SYT1: variants seen among roughly 807,000 people sequenced by gnomAD.
The protein encoded by SYT1 is synaptotagmin 1.
Under a neutral mutation model 44.8 loss-of-function variants are expected in SYT1, and 8 were observed. That is an observed-to-expected ratio of 0.18 (90% confidence interval 0.10 to 0.32). The LOEUF is 0.32. SYT1 is among the 10% of genes least tolerant of loss of function. The pLI is 1.00. For missense variants in SYT1, 286 were observed against 509.3 expected (o/e 0.56, Z 4.22); for synonymous variants, 154 against 188.8 (o/e 0.82, Z 1.51).
At chr12:79,042,799 G>A (rs1053913305) in intron 2 of SYT1, among the ~76,000 whole-genome samples, 2 of 150,424 alleles carry the variant, frequency 1.3e-5, no homozygotes, top group African/African-American at 2.4e-5. Context: ...TGCTTTGAAT[G>A]TGTCCCAGAG....
chr12:79,397,145 A>G (rs1219080944), intron 9 of SYT1, among the ~76,000 whole-genome samples: 1 of 152,218 alleles, frequency 6.6e-6, no homozygotes, highest in Non-Finnish European at 1.5e-5. Context: ...AGAGGCAGGC[A>G]GGAACCAGCT....
intron 9 of SYT1, among the ~76,000 whole-genome samples, chr12:79,414,429 A>G (rs1868612918): frequency 6.6e-6 from 1 of 152,060 alleles, no homozygotes; most frequent in South Asian, 2.1e-4. Flanking sequence ...AGCAGTTGGT[A>G]CTTTGTCCTG....
At chr12:79,401,162 G>T (rs184618705) in intron 9 of SYT1, among the ~76,000 whole-genome samples, 27 of 152,204 alleles carry the variant, frequency 1.8e-4, no homozygotes, top group African/African-American at 6.5e-4. Context: ...ATGGAATACT[G>T]GTGACAAAGT....
chr12:79,424,692 G>A (rs1269138508), intron 9 of SYT1, among the ~76,000 whole-genome samples: 1 of 152,092 alleles, frequency 6.6e-6, no homozygotes, highest in Non-Finnish European at 1.5e-5. Flanking sequence ...GCCATTAATA[G>A]TTCCTAAACA....
intron 1 of SYT1, among the ~76,000 whole-genome samples, chr12:78,921,590 T>C (rs750714970): frequency 1.8e-4 from 28 of 151,954 alleles, no homozygotes; most frequent in Admixed American, 2.0e-4. Context: ...TTGATTCTAA[T>C]GCTCAGGGTG....
At chr12:78,870,581 A>C (rs1201149320) in intron 1 of SYT1, among the ~76,000 whole-genome samples, 3 of 152,112 alleles carry the variant, frequency 2.0e-5, no homozygotes, top group Admixed American at 2.0e-4. Context: ...AATTGCTTAC[A>C]TGAGAAGTAT....
chr12:78,893,191 A>G (rs1331040423), intron 1 of SYT1, among the ~76,000 whole-genome samples: 1 of 151,814 alleles, frequency 6.6e-6, no homozygotes, highest in Non-Finnish European at 1.5e-5. Context: ...AACCATGACT[A>G]ACAGTAAATG....
chr12:79,068,375 GA>G (rs1265638065), intron 3 of SYT1, among the ~76,000 whole-genome samples: 6 of 152,024 alleles, frequency 3.9e-5, no homozygotes, highest in African/African-American at 1.4e-4. Context: ...CTAAATACTT[GA>G]AAACGGTATC....
intron 4 of SYT1, among the ~76,000 whole-genome samples, chr12:79,218,079 A>G (rs147677663): frequency 2.0e-5 from 3 of 152,278 alleles, no homozygotes; most frequent in African/African-American, 4.8e-5. Context: ...CTTTCCCAAT[A>G]TCGCAGGTTT....
chr12:79,420,886 G>GA (rs975185003), intron 9 of SYT1, among the ~76,000 whole-genome samples: 10 of 150,854 alleles, frequency 6.6e-5, no homozygotes, highest in African/African-American at 1.5e-4. Flanking sequence ...GTTCCCTAAG[G>GA]AAAAAAAAAG....
At chr12:78,881,822 G>C (rs528660208) in intron 1 of SYT1, among the ~76,000 whole-genome samples, 1 of 151,598 alleles carries the variant, frequency 6.6e-6, no homozygotes, top group Non-Finnish European at 1.5e-5. Flanking sequence ...TTGAGAAGCT[G>C]ATTCTAGGGC....
intron 1 of SYT1, among the ~76,000 whole-genome samples, chr12:78,921,066 A>G (rs1876965129): frequency 6.6e-6 from 1 of 151,928 alleles, no homozygotes; most frequent in African/African-American, 2.4e-5. Context: ...ACTTAGGACC[A>G]CCATGACCAC....
At position 79,250,139 on chromosome 12, in the gene SYT1, T is replaced by C. The variant is rs192822892; in HGVS notation, c.166+32454T>C. Among the ~76,000 whole-genome samples the C allele has an allele frequency of 1.2e-4, 19 of 152,280 alleles. No homozygotes were observed. In the East Asian group the frequency reaches 2.1e-3, roughly 17 times the overall value. On this transcript the variant is annotated intron_variant, in intron 4 of 10. Transcript: ENST00000261205. ...TACCAATAATATGTATCTAGGAAGA[T>C]ACAAAATCTATCTAAAAGTGGTTGA... is the stretch of plus-strand genomic sequence containing the variant.
intron 9 of SYT1, among the ~76,000 whole-genome samples, chr12:79,355,889 C>T (rs554817837): frequency 8.2e-4 from 125 of 152,188 alleles, no homozygotes; most frequent in Admixed American, 1.3e-3. Context: ...GCAAAAGACC[C>T]TCCCCTCCTG....
At chr12:78,931,077 A>T (rs914956344) in intron 1 of SYT1, among the ~76,000 whole-genome samples, 5 of 150,412 alleles carry the variant, frequency 3.3e-5, no homozygotes, top group Non-Finnish European at 5.9e-5. Flanking sequence ...CAGGAGAATC[A>T]CTTGAACCCA....
At chr12:78,896,410 C>T (rs928481622) in intron 1 of SYT1, among the ~76,000 whole-genome samples, 6 of 151,568 alleles carry the variant, frequency 4.0e-5, no homozygotes, top group Non-Finnish European at 8.9e-5. Flanking sequence ...TTTAGCTACC[C>T]TTTTCTGTTG....
intron 2 of SYT1, among the ~76,000 whole-genome samples, chr12:79,013,048 C>T (rs570452732): frequency 2.6e-4 from 39 of 152,202 alleles, no homozygotes; most frequent in African/African-American, 5.8e-4. Flanking sequence ...AGCTAACACT[C>T]GTCTTTCACA....
At chr12:79,285,718 GC>G in intron 4 of SYT1, 68 bp from the exon 5 acceptor site, 1 of 1,185,642 alleles carries the variant, frequency 8.4e-7, no homozygotes, top group East Asian at 2.4e-5. Flanking sequence ...TATCTTTATA[GC>G]CCATGAGTTA....
At chr12:79,126,899 G>C (rs541188191) in intron 3 of SYT1, among the ~76,000 whole-genome samples, 1 of 152,072 alleles carries the variant, frequency 6.6e-6, no homozygotes, top group Non-Finnish European at 1.5e-5. Context: ...TAAAACTCTG[G>C]CTTTCAACTT....
Sources: gnomAD v4.1 joint callset for allele counts (sites outside exome capture counted in the v4.1 genomes callset) on GRCh38, gnomAD v4.1.1 for gene constraint, MANE v1.5 for transcripts, NCBI Gene and HGNC (gene_info 2026-07-23, HGNC 2026-07-21) for gene names.